The following APBB3 variants were observed in gnomAD, a reference collection of about 807,000 sequenced individuals.
The protein encoded by APBB3 is amyloid-beta A4 precursor protein-binding family B member 3.
A neutral mutation model predicts 61.5 loss-of-function variants in APBB3; 50 were observed. That is an observed-to-expected ratio of 0.81 (90% CI 0.65 to 1.03). APBB3 has a LOEUF of 1.03. APBB3 is among the 50% of genes least tolerant of loss of function. The probability of loss-of-function intolerance (pLI) is 0.00; values close to 1 mark genes in which losing one functional copy is unlikely to be tolerated. For missense variants in APBB3, 550 were observed against 637.4 expected (o/e 0.86, Z 1.48); for synonymous variants, 235 against 233.0 (o/e 1.01, Z -0.08).
Position 140,560,542 on chromosome 5 carries a change from C to T in APBB3, c.1033-38G>A, listed in dbSNP as rs747114014. On this transcript the variant is annotated intron_variant, in intron 11 of 12. Coordinates refer to ENST00000357560, the MANE Select transcript of APBB3 (RefSeq NM_133173.3). This position sits in a 1 kb window ranked among gnomAD's most constrained non-coding sequence, Gnocchi z 5.1. The stretch of plus-strand genomic sequence containing the variant: ...GGCCTAGTCACTAGAGGGCCAAGCA[C>T]GGGCCAGACCCACTTAACTTTTCCG... 28 of 1,604,944 alleles carry T rather than the reference C, an allele frequency of 1.7e-5. No homozygotes were observed. Among genetic ancestry groups the T allele is most frequent in the South Asian group, 9.9e-5 (9 of 90,510 alleles).
rs1296513478 is a variant in APBB3, at chr5:140,564,345, AGGCTGCGG to A, written c.-108_-101del. Reference sequence around the variant, plus strand: ...TGCAAGCCCAGCCTCTCTGCGCCGCAGGCTGCGGGGCCAGCTGGCGCCGCACAAATACG... The same window carrying A: ...TGCAAGCCCAGCCTCTCTGCGCCGCAGGCCAGCTGGCGCCGCACAAATACG... On this transcript the variant is annotated 5_prime_UTR_variant, in exon 1 of 13. Transcript: ENST00000357560. This position sits in a 1 kb window ranked among gnomAD's most constrained non-coding sequence, Gnocchi z 5.0. 6.9e-7 allele frequency: 1 copy of A among 1,443,390 alleles called. No individual in the cohort carries two copies. The highest frequency in any genetic ancestry group is 1.4e-5 in the African/African-American group (1 of 71,138). 89.4% of individuals were successfully genotyped at this position (1,443,390 alleles called of 1,614,324 possible). A position where few individuals can be genotyped will look rare whatever the true frequency, so the allele number is the denominator to read the frequency against.
At chr5:140,563,104 G>A (rs1755040793) in intron 3 of APBB3, among the ~76,000 whole-genome samples, 1 of 152,214 alleles carries the variant, frequency 6.6e-6, no homozygotes, top group Non-Finnish European at 1.5e-5. Flanking sequence ...CATTAGCTGG[G>A]CATGGTGGCA....
chr5:140,561,967 G>A, intron 6 of APBB3, 118 bp from the exon 7 acceptor site: 2 of 1,611,314 alleles, frequency 1.2e-6, no homozygotes. Context: ...CCAGGCAGGG[G>A]AAGCAGTCCT....
Position 140,564,380 on chromosome 5 carries a change from G to A in APBB3, c.-135C>T. On this transcript the variant is annotated 5_prime_UTR_variant, in exon 1 of 13. Transcript: ENST00000357560. The surrounding 1 kb of genome is among the most constrained non-coding windows in gnomAD (Gnocchi z 5.0). ...GCCAGCTGGCGCCGCACAAATACGG[G>A]GCGGGACACGGGGCGGGACACGGGC... 1 of 1,035,270 alleles carries A rather than the reference G, an allele frequency of 9.7e-7. No homozygotes were observed. The allele number at this position is 1,035,270 out of a possible 1,614,324, so 64.1% of individuals were successfully genotyped here.
chr5:140,563,594 C>T lies in APBB3; in HGVS notation c.290G>A (p.Ser97Asn). 1 of 1,614,222 alleles carries T rather than the reference C, an allele frequency of 6.2e-7. No individual in the cohort carries two copies. The highest frequency in any genetic ancestry group is 1.1e-5 in the South Asian group (1 of 91,090). The change falls in exon 3 of 13, where the codon AGT (serine) becomes AAT (asparagine). Residue 97 changes from serine (S) to asparagine (N), a missense_variant and splice_region_variant. This residue lies in a region of APBB3 where 405 missense variants were observed against 483.4 expected (regional missense o/e 0.84). Transcript: ENST00000357560. The stretch of plus-strand genomic sequence containing the variant: ...TCATTTTGCCTGGGCCACCCGTTAC[C>T]TCCGGTCCAGTGAACTCTCCAGGCT... Reference protein sequence around the residue: ...FSSLESSLDRSNSLSWYGGES... With the variant: ...FSSLESSLDRNNSLSWYGGES...
rs1223048250 is a variant in APBB3 at position 140,560,084 on chromosome 5, T to C, written c.1224+229A>G. Among the ~76,000 whole-genome samples, 1 of 152,248 alleles carries C rather than the reference T, an allele frequency of 6.6e-6. No homozygotes were observed. The highest frequency in any genetic ancestry group is 1.5e-5 in the Non-Finnish European group (1 of 68,044). ...CGTGTGAACTGAGTGCCAGAGCTCT[T>C]GATATTTTAAGAAAAACAAGAATAG... is the stretch of plus-strand genomic sequence containing the variant. On this transcript the variant is annotated intron_variant, in intron 12 of 12. Coordinates refer to ENST00000357560, the MANE Select transcript of APBB3 (RefSeq NM_133173.3). This position sits in a 1 kb window ranked among gnomAD's most constrained non-coding sequence, Gnocchi z 5.1.
rs2127135891 is a variant in APBB3 at position 140,564,337 on chromosome 5, TGCGCCGCAGGCTGCGGGGCCAGCTG to T, written c.-117_-93del. On this transcript the variant is annotated 5_prime_UTR_variant, in exon 1 of 13. Transcript: ENST00000357560. This position sits in a 1 kb window ranked among gnomAD's most constrained non-coding sequence, Gnocchi z 5.0. ...ACTGCGCCTGCAAGCCCAGCCTCTC[TGCGCCGCAGGCTGCGGGGCCAGCTG>T]GCGCCGCACAAATACGGGGCGGGAC... The T allele has an allele frequency of 2.7e-6, 4 of 1,487,738 alleles. No homozygotes were observed. In the South Asian group the frequency reaches 3.4e-5, roughly 13 times the overall value. The allele number at this position is 1,487,738 out of a possible 1,614,324, so 92.2% of individuals were successfully genotyped here. A position where few individuals can be genotyped will look rare whatever the true frequency, so the allele number is the denominator to read the frequency against.
Position 140,561,721 on chromosome 5 carries a change from GGCTGGGGTAGAA to G in APBB3, c.633-32_633-21del. 1 of 1,614,228 alleles carries G rather than the reference GGCTGGGGTAGAA, an allele frequency of 6.2e-7. No individual in the cohort carries two copies. On this transcript the variant is annotated intron_variant, in intron 7 of 12. Coordinates refer to ENST00000357560, the MANE Select transcript of APBB3 (RefSeq NM_133173.3). Reference sequence around the variant, plus strand: ...AAGTCCCTAGCAGGGGCAGAGATGGGGCTGGGGTAGAAGCTGGTTAGAGGCAGGAGCCTGCAG... The same window carrying G: ...AAGTCCCTAGCAGGGGCAGAGATGGGGCTGGTTAGAGGCAGGAGCCTGCAG...
rs769629031 is a variant in APBB3, at chr5:140,561,588, T to G, written c.746A>C (p.Gln249Pro). The G allele has an allele frequency of 6.8e-6, 11 of 1,614,190 alleles. No homozygotes were observed. The highest frequency in any genetic ancestry group is 8.5e-6 in the Non-Finnish European group (10 of 1,180,020). Residue 249 changes from glutamine (Q) to proline (P), a missense_variant and splice_region_variant, in exon 8 of 13, where the codon CAG becomes CCG. Physicochemically the swap from Gln to Pro is moderately conservative, Grantham distance 76. Around this residue, in one of 3 missense-constraint regions of APBB3, gnomAD observed 405 missense variants for 483.4 expected, o/e 0.84. Coordinates refer to ENST00000357560, the MANE Select transcript of APBB3 (RefSeq NM_133173.3). ...IASALHGLCA[Q>P]ILSERVEVSG... ...CCCTGCCCCACCCCTGACACTTACCTGGGCACAAAGCCCATGTAGGGCACT... is the reference window on the plus strand; with the variant it reads ...CCCTGCCCCACCCCTGACACTTACCGGGGCACAAAGCCCATGTAGGGCACT...
chr5:140,564,205 T>C lies in APBB3; in HGVS notation c.41A>G (p.Asn14Ser), dbSNP rs1755104871. 6.2e-7 allele frequency: 1 copy of C among 1,613,946 alleles called. No homozygotes were observed. The highest frequency in any genetic ancestry group is 8.5e-7 in the Non-Finnish European group (1 of 1,180,018). The change falls in exon 1 of 13, where the codon AAC becomes AGC. Residue 14 changes from asparagine to serine, a missense_variant. Coordinates refer to ENST00000357560, the MANE Select transcript of APBB3 (RefSeq NM_133173.3). This position sits in a 1 kb window ranked among gnomAD's most constrained non-coding sequence, Gnocchi z 5.0. Reference protein sequence around the residue: ...KDYMLAIILVNCDDDLWGDHS... With the variant: ...KDYMLAIILVSCDDDLWGDHS... ...GGCCCCTCCGTGCACACCATCGCAG[T>C]TGACCAGAATGATGGCCAGCATGTA...
Position 140,560,512 on chromosome 5 carries a change from C to A in APBB3, c.1033-8G>T. On this transcript the variant is annotated splice_region_variant and splice_polypyrimidine_tract_variant and intron_variant, in intron 11 of 12. Coordinates refer to ENST00000357560, the MANE Select transcript of APBB3 (RefSeq NM_133173.3). This position sits in a 1 kb window ranked among gnomAD's most constrained non-coding sequence, Gnocchi z 5.1. ...CTCTGTACTGGCCTCTGCCTGCCCA[C>A]ACCAGGCCTAGTCACTAGAGGGCCA... The A allele has an allele frequency of 6.2e-7, 1 of 1,611,546 alleles. No homozygotes were observed. The highest frequency in any genetic ancestry group is 8.5e-7 in the Non-Finnish European group (1 of 1,178,316).
Position 140,561,355 on chromosome 5 carries a change from C to T in APBB3, c.832+10G>A, listed in dbSNP as rs1393783587. 2.5e-6 allele frequency: 4 copies of T among 1,614,180 alleles called. No homozygotes were observed. Among genetic ancestry groups the T allele is most frequent in the Admixed American group, 1.7e-5 (1 of 60,032 alleles). On this transcript the variant is annotated intron_variant, in intron 9 of 12. Transcript: ENST00000357560. ...CCCAATGCAGCAATGCAGGTCTCCC[C>T]TCCCCATACCTTGCCGTGGCAGGTC...
chr5:140,562,859 G>A (rs1392026161), intron 3 of APBB3, 136 bp from the exon 4 acceptor site: 5 of 776,018 alleles, frequency 6.4e-6, no homozygotes, highest in African/African-American at 1.7e-5. Flanking sequence ...CCAGAGCAGG[G>A]TAGAGCCCAG....
At position 140,558,622 on chromosome 5, in the gene APBB3, G is replaced by T. The variant is rs564829716; in HGVS notation, c.1424C>A (p.Ala475Asp). ...RKRGVFSFLD[A>D]FRLKPSLLHM... ...GAGCAGAGAGGGTTTCAGCCGGAAGGCATCAAGAAAAGAGAAGACACCCCG... is the reference window on the plus strand; with the variant it reads ...GAGCAGAGAGGGTTTCAGCCGGAAGTCATCAAGAAAAGAGAAGACACCCCG... The change falls in exon 13 of 13, where the codon GCC becomes GAC. Residue 475 changes from alanine (A) to aspartate (D), a missense_variant. By Grantham distance (126) the Ala-to-Asp change is moderately radical (BLOSUM62 -2). Coordinates refer to ENST00000357560, the MANE Select transcript of APBB3 (RefSeq NM_133173.3). 21 of 1,614,186 alleles carry T rather than the reference G, an allele frequency of 1.3e-5. No individual in the cohort carries two copies. In the South Asian group the frequency reaches 2.3e-4, roughly 18 times the overall value.
Position 140,563,590 on chromosome 5 carries a change from T to G in APBB3, c.290+4A>C, listed in dbSNP as rs767951583. On this transcript the variant is annotated splice_donor_region_variant and intron_variant, in intron 3 of 12. Transcript: ENST00000357560. ...CCTTTCATTTTGCCTGGGCCACCCG[T>G]TACCTCCGGTCCAGTGAACTCTCCA... 4 of 1,614,190 alleles carry G rather than the reference T, an allele frequency of 2.5e-6. No homozygotes were observed. In the South Asian group the frequency reaches 4.4e-5, roughly 18 times the overall value.
At chr5:140,561,984 A>G (rs774995064) in intron 6 of APBB3, 116 bp downstream of exon 6, 1 of 1,611,680 alleles carries the variant, frequency 6.2e-7, no homozygotes, top group Non-Finnish European at 8.5e-7. Flanking sequence ...TCCTGGGTCC[A>G]CATCAGAGGA....
intron 12 of APBB3, among the ~76,000 whole-genome samples, chr5:140,559,404 C>A (rs958307075): frequency 6.6e-6 from 1 of 152,136 alleles, no homozygotes; most frequent in East Asian, 1.9e-4. Context: ...AATCTTTTAC[C>A]CATACTATAG....
chr5:140,561,782 A>T, intron 7 of APBB3, 62 bp downstream of exon 7: 3 of 1,613,996 alleles, frequency 1.9e-6, no homozygotes, highest in African/African-American at 1.3e-5. Context: ...CAGGCTAGGG[A>T]TATAGCAGGG....
rs751386125 is a variant in APBB3 at position 140,560,795 on chromosome 5, A to C, written c.917-41T>G. The stretch of plus-strand genomic sequence containing the variant: ...CAGCGTGTCTCCCAGTGTAAAAGAA[A>C]GAGTCTGCAGGGAGTGTCTAGCCCC... On this transcript the variant is annotated intron_variant, in intron 10 of 12. Coordinates refer to ENST00000357560, the MANE Select transcript of APBB3 (RefSeq NM_133173.3). The surrounding 1 kb of genome is among the most constrained non-coding windows in gnomAD (Gnocchi z 5.1). 1 of 1,577,664 alleles carries C rather than the reference A, an allele frequency of 6.3e-7. No individual in the cohort carries two copies. The highest frequency in any genetic ancestry group is 8.7e-7 in the Non-Finnish European group (1 of 1,147,730).
Sources: gnomAD v4.1 joint callset for allele counts (sites outside exome capture counted in the v4.1 genomes callset) on GRCh38, gnomAD v4.1.1 for gene constraint, gnomAD v4.1.1 regional missense constraint, Gnocchi (gnomAD v3.1) non-coding constraint, MANE v1.5 for transcripts, NCBI Gene and HGNC (gene_info 2026-07-23, HGNC 2026-07-21) for gene names.